The following SYNE1 variants were observed in gnomAD, a reference collection of about 807,000 sequenced individuals.
SYNE1 encodes the protein nesprin-1.
A neutral mutation model predicts 1,111.0 loss-of-function variants in SYNE1; 616 were observed. The observed-to-expected ratio is 0.55, with a 90% CI of 0.52 to 0.59. SYNE1 has a LOEUF of 0.59. SYNE1 is among the 20% of genes least tolerant of loss of function. The pLI is 0.00. For synonymous variants in SYNE1, 3,855 were observed against 3,825.8 expected (o/e 1.01, Z -0.28); for missense variants, 10,006 against 10,417.0 (o/e 0.96, Z 1.72).
chr6:152,351,983 C>G, intron 70 of SYNE1, 44 bp downstream of exon 70: 1 of 1,593,134 alleles, frequency 6.3e-7, no homozygotes, highest in Non-Finnish European at 8.6e-7. Flanking sequence ...CATTTGGTCT[C>G]TGTGTGACCT....
chr6:152,483,884 T>C (rs2098924038), intron 13 of SYNE1, among the ~76,000 whole-genome samples: 1 of 140,398 alleles, frequency 7.1e-6, no homozygotes, highest in Admixed American at 7.1e-5. Context: ...TTTAATGGAG[T>C]CACTAGAAAA....
intron 3 of SYNE1, among the ~76,000 whole-genome samples, chr6:152,606,507 A>G (rs2099615085): frequency 6.6e-6 from 1 of 152,224 alleles, no homozygotes; most frequent in South Asian, 2.1e-4. Context: ...TGCTCAATTT[A>G]TATGTGTCAT....
At position 152,176,447 on chromosome 6, in the gene SYNE1, C is replaced by T. The variant is rs752645703; in HGVS notation, c.23574G>A (p.Lys7858=). The T allele has an allele frequency of 1.2e-6, 2 of 1,614,178 alleles. No individual in the cohort carries two copies. Among genetic ancestry groups the T allele is most frequent in the African/African-American group, 1.3e-5 (1 of 75,060 alleles). Residue 7858 remains lysine (K), a synonymous_variant, in exon 130 of 146, where the codon AAG becomes AAA. Coordinates refer to ENST00000367255, the MANE Select transcript of SYNE1 (RefSeq NM_182961.4). Reference sequence around the variant, plus strand: ...GCCACCGGTCGTTGACCTTTCCCAGCTTGTATTCAATCTCAGATGCTTTGC... The same window carrying T: ...GCCACCGGTCGTTGACCTTTCCCAGTTTGTATTCAATCTCAGATGCTTTGC... The part of the protein sequence containing the change: ...HESKASEIEY[K]LGKVNDRWQH...
chr6:152,491,449 C>T, intron 11 of SYNE1, among the ~76,000 whole-genome samples: 1 of 152,078 alleles, frequency 6.6e-6, no homozygotes, highest in East Asian at 1.9e-4. Context: ...CAAGCTTCCA[C>T]CCTCCATTCC....
intron 13 of SYNE1, among the ~76,000 whole-genome samples, chr6:152,484,470 C>T (rs989109433): frequency 4.6e-5 from 7 of 152,170 alleles, no homozygotes; most frequent in African/African-American, 1.4e-4. Context: ...CAAGAAGTTG[C>T]TGTGGCTCTA....
At chr6:152,320,236 A>C (rs554366534) in intron 84 of SYNE1, 1 of 152,332 alleles carries the variant, frequency 6.6e-6, no homozygotes, top group South Asian at 2.1e-4. Context: ...AAAGCCAAAT[A>C]TATCAATTAA....
intron 73 of SYNE1, among the ~76,000 whole-genome samples, chr6:152,346,840 T>C (rs1461292958): frequency 1.3e-5 from 2 of 152,044 alleles, no homozygotes; most frequent in Non-Finnish European, 2.9e-5. Context: ...AAAAAACCAA[T>C]ATCTGAAATT....
chr6:152,277,989 C>T (rs1265023645), intron 98 of SYNE1, 100 bp downstream of exon 98: 8 of 1,260,856 alleles, frequency 6.3e-6, no homozygotes, highest in African/African-American at 2.9e-5. Context: ...CACACAAGTA[C>T]GCGTCACCGC....
chr6:152,623,321 C>A (rs1410941156), intron 3 of SYNE1, among the ~76,000 whole-genome samples: 1 of 152,068 alleles, frequency 6.6e-6, no homozygotes, highest in Non-Finnish European at 1.5e-5. Context: ...AACTGGACCT[C>A]TTCCTTACCC....
intron 140 of SYNE1, among the ~76,000 whole-genome samples, chr6:152,137,756 A>G (rs2057398058): frequency 6.6e-6 from 1 of 152,176 alleles, no homozygotes; most frequent in Non-Finnish European, 1.5e-5. Context: ...GCACTTTTCA[A>G]TAGGTTCTTA....
chr6:152,542,280 T>G (rs1206399567), intron 3 of SYNE1, among the ~76,000 whole-genome samples: 3 of 152,120 alleles, frequency 2.0e-5, no homozygotes, highest in Non-Finnish European at 4.4e-5. Flanking sequence ...GTAAAGAAAA[T>G]AAATACAAAA....
chr6:152,544,479 G>A (rs183433033), intron 3 of SYNE1, among the ~76,000 whole-genome samples: 180 of 152,014 alleles, frequency 1.2e-3, no homozygotes, highest in African/African-American at 4.2e-3. Flanking sequence ...GGAGTCAGCT[G>A]AGGCTATATA....
In SYNE1 at chr6:152,450,776, C is replaced by T. The variant is rs1019437144; in HGVS notation, c.3244G>A (p.Glu1082Lys). Residue 1082 changes from glutamate (E) to lysine (K), a missense_variant, in exon 27 of 146, where the codon GAG becomes AAG. Physicochemically the swap from Glu to Lys is moderately conservative, Grantham distance 56. Around this residue, in one of 7 missense-constraint regions of SYNE1, gnomAD observed 1,971 missense variants for 2,084.1 expected, o/e 0.95. Coordinates refer to ENST00000367255, the MANE Select transcript of SYNE1 (RefSeq NM_182961.4). ...HLCEKRLQLI[E>K]ELCVKLPVRD... The stretch of plus-strand genomic sequence containing the variant: ...ACTGGGAGTTTCACACAGAGTTCCT[C>T]GATGAGCTGTAACCTTTTCTCACAG... 4 of 1,614,056 alleles carry T rather than the reference C, an allele frequency of 2.5e-6. No homozygotes were observed. Among genetic ancestry groups the T allele is most frequent in the Non-Finnish European group, 3.4e-6 (4 of 1,180,024 alleles).
intron 130 of SYNE1, among the ~76,000 whole-genome samples, chr6:152,165,501 A>G (rs2063468238): frequency 6.6e-6 from 1 of 152,150 alleles, no homozygotes; most frequent in East Asian, 1.9e-4. Context: ...TAATTCTTCT[A>G]TTTGAATAAC....
chr6:152,221,055 A>G lies in SYNE1; in HGVS notation c.21657-9T>C. On this transcript the variant is annotated splice_polypyrimidine_tract_variant and intron_variant, in intron 118 of 145. Coordinates refer to ENST00000367255, the MANE Select transcript of SYNE1 (RefSeq NM_182961.4). The stretch of plus-strand genomic sequence containing the variant: ...CCAGCAAGTTATTCCATCTGGAAAT[A>G]ATAACCAACACTCATGAGCAGATTA... 6.2e-7 allele frequency: 1 copy of G among 1,613,924 alleles called. No homozygotes were observed. Among genetic ancestry groups the G allele is most frequent in the Non-Finnish European group, 8.5e-7 (1 of 1,179,898 alleles).
intron 131 of SYNE1, among the ~76,000 whole-genome samples, chr6:152,163,328 G>A (rs1009474839): frequency 6.6e-6 from 1 of 151,984 alleles, no homozygotes; most frequent in Non-Finnish European, 1.5e-5. Context: ...GCGAAACTCC[G>A]TCTCTATTAA....
intron 62 of SYNE1, among the ~76,000 whole-genome samples, chr6:152,366,298 C>T (rs1449389456): frequency 1.3e-5 from 2 of 152,096 alleles, no homozygotes; most frequent in Non-Finnish European, 2.9e-5. Context: ...CACCATTGCA[C>T]TCCAGCCTGG....
At chr6:152,354,178 G>C (rs2096794314) in intron 67 of SYNE1, among the ~76,000 whole-genome samples, 1 of 152,076 alleles carries the variant, frequency 6.6e-6, no homozygotes, top group Non-Finnish European at 1.5e-5. Flanking sequence ...TGAAAACAAA[G>C]TGGCATAATT....
intron 105 of SYNE1, among the ~76,000 whole-genome samples, chr6:152,246,138 T>G (rs1316802583): frequency 1.3e-5 from 2 of 152,186 alleles, no homozygotes; most frequent in Admixed American, 6.5e-5. Flanking sequence ...GAGACCATCC[T>G]GCAGGAACTC....
Sources: gnomAD v4.1 joint callset for allele counts (sites outside exome capture counted in the v4.1 genomes callset) on GRCh38, gnomAD v4.1.1 for gene constraint, gnomAD v4.1.1 regional missense constraint, MANE v1.5 for transcripts, NCBI Gene and HGNC (gene_info 2026-07-23, HGNC 2026-07-21) for gene names.